TMEM132D: variants seen among roughly 807,000 people sequenced by gnomAD.
TMEM132D encodes transmembrane protein 132D, also known as mature OL transmembrane protein.
A neutral mutation model predicts 62.3 loss-of-function variants in TMEM132D; 21 were observed. The observed-to-expected ratio is 0.34, with a 90% CI of 0.24 to 0.49. The LOEUF is 0.49. Ranked by LOEUF, TMEM132D falls within the 20% of genes least tolerant of loss-of-function variation. TMEM132D has a pLI of 0.99. For synonymous variants in TMEM132D, 621 were observed against 575.6 expected, an observed-to-expected ratio of 1.08 and a Z score of -1.13; for missense variants, 1,346 against 1,402.8, an observed-to-expected ratio of 0.96 and a Z score of 0.65.
intron 3 of TMEM132D, among the ~76,000 whole-genome samples, chr12:129,360,889 A>T (rs1870227202): frequency 6.6e-6 from 1 of 152,036 alleles, no homozygotes; most frequent in African/African-American, 2.4e-5. Flanking sequence ...CTGTGTCGCG[A>T]CACATAACTC....
chr12:129,144,436 C>A (rs1397310825), intron 5 of TMEM132D, among the ~76,000 whole-genome samples: 2 of 152,140 alleles, frequency 1.3e-5, no homozygotes, highest in African/African-American at 4.8e-5. Context: ...CTTTAGGAAT[C>A]TAGGTGCCAT....
chr12:129,416,171 A>G (rs1593370995), intron 3 of TMEM132D, among the ~76,000 whole-genome samples: 1 of 152,140 alleles, frequency 6.6e-6, no homozygotes, highest in East Asian at 1.9e-4. Flanking sequence ...CACAATACTG[A>G]TTCTTCCTAT....
At chr12:129,593,724 T>C (rs916160412) in intron 2 of TMEM132D, among the ~76,000 whole-genome samples, 5 of 152,288 alleles carry the variant, frequency 3.3e-5, no homozygotes, top group Admixed American at 3.3e-4. Context: ...TAAAATAAAT[T>C]GGCATTGTGC....
chr12:129,728,677 T>C (rs1869117381), intron 1 of TMEM132D, among the ~76,000 whole-genome samples: 1 of 152,240 alleles, frequency 6.6e-6, no homozygotes, highest in African/African-American at 2.4e-5. Context: ...CAAATCCTTC[T>C]TTGTCTTACC....
At chr12:129,747,716 A>G (rs1322855374) in intron 1 of TMEM132D, among the ~76,000 whole-genome samples, 1 of 149,322 alleles carries the variant, frequency 6.7e-6, no homozygotes, top group Non-Finnish European at 1.5e-5. Flanking sequence ...ACACACTCAG[A>G]CATACACACA....
intron 2 of TMEM132D, among the ~76,000 whole-genome samples, chr12:129,563,242 C>A (rs1877285128): frequency 6.6e-6 from 1 of 152,210 alleles, no homozygotes; most frequent in Non-Finnish European, 1.5e-5. Flanking sequence ...ATTCCGTCTT[C>A]TCTTGTCCAT....
At chr12:129,747,036 C>A (rs1410802433) in intron 1 of TMEM132D, among the ~76,000 whole-genome samples, 1 of 152,188 alleles carries the variant, frequency 6.6e-6, no homozygotes, top group Admixed American at 6.5e-5. Flanking sequence ...CTTCTCTGCA[C>A]AGCAGCCAGA....
At chr12:129,726,583 T>G (rs1869045907) in intron 1 of TMEM132D, among the ~76,000 whole-genome samples, 1 of 152,122 alleles carries the variant, frequency 6.6e-6, no homozygotes, top group African/African-American at 2.4e-5. Context: ...TTAATCTACA[T>G]GTGATTATAG....
intron 2 of TMEM132D, among the ~76,000 whole-genome samples, chr12:129,596,428 T>C (rs1162322199): frequency 1.3e-5 from 2 of 152,208 alleles, no homozygotes; most frequent in Non-Finnish European, 2.9e-5. Flanking sequence ...AGATGTATTC[T>C]ATGCATTTTT....
chr12:129,672,759 G>T (rs541913095), intron 2 of TMEM132D, among the ~76,000 whole-genome samples: 1 of 152,244 alleles, frequency 6.6e-6, no homozygotes, highest in South Asian at 2.1e-4. Context: ...GTAGGTGGTA[G>T]TTGTTGTTTT....
intron 3 of TMEM132D, among the ~76,000 whole-genome samples, chr12:129,410,211 G>A (rs1052231477): frequency 6.6e-6 from 1 of 152,170 alleles, no homozygotes; most frequent in Non-Finnish European, 1.5e-5. Context: ...TAACTTAAAT[G>A]ACCACAGAGG....
intron 2 of TMEM132D, among the ~76,000 whole-genome samples, chr12:129,534,054 G>A (rs866966904): frequency 4.4e-4 from 67 of 152,308 alleles, no homozygotes; most frequent in African/African-American, 1.4e-3. Flanking sequence ...CATTAAAGTA[G>A]TTCCTAGAAC....
At chr12:129,538,467 T>C (rs1255695322) in intron 2 of TMEM132D, among the ~76,000 whole-genome samples, 3 of 152,182 alleles carry the variant, frequency 2.0e-5, no homozygotes, top group African/African-American at 7.2e-5. Flanking sequence ...GTGATGACAG[T>C]AGTCCCACTC....
At chr12:129,405,182 A>G (rs7302547) in intron 3 of TMEM132D, among the ~76,000 whole-genome samples, 80,131 of 152,072 alleles carry the variant, frequency 0.53, 22,585 homozygotes, top group Non-Finnish European at 0.63. Flanking sequence ...TAGAAGCCTG[A>G]GATCAAGGTT....
At chr12:129,747,537 C>G (rs926150155) in intron 1 of TMEM132D, among the ~76,000 whole-genome samples, 2 of 150,552 alleles carry the variant, frequency 1.3e-5, no homozygotes, top group Non-Finnish European at 3.0e-5. Flanking sequence ...TTCAGACACA[C>G]ACACTCTCAG....
At chr12:129,161,894 A>G (rs113192773) in intron 5 of TMEM132D, among the ~76,000 whole-genome samples, 1,800 of 152,234 alleles carry the variant, frequency 0.012, 41 homozygotes, top group African/African-American at 0.041. Flanking sequence ...TCATATCGAA[A>G]TGTTGAATGA....
chr12:129,419,577 G>T (rs73151061), intron 3 of TMEM132D, among the ~76,000 whole-genome samples: 46 of 152,230 alleles, frequency 3.0e-4, no homozygotes, highest in Non-Finnish European at 5.3e-4. Context: ...TTAAAGTTTT[G>T]CTGGAAACCA....
intron 5 of TMEM132D, among the ~76,000 whole-genome samples, chr12:129,122,675 C>T (rs1440564230): frequency 1.3e-5 from 2 of 152,198 alleles, no homozygotes; most frequent in African/African-American, 4.8e-5. Flanking sequence ...CTCCTCTGTG[C>T]TTCGTAAGAC....
chr12:129,141,058 T>C (rs1876727770), intron 5 of TMEM132D, among the ~76,000 whole-genome samples: 1 of 152,184 alleles, frequency 6.6e-6, no homozygotes, highest in South Asian at 2.1e-4. Flanking sequence ...GCACACACTA[T>C]AGATGATCCT....
Sources: gnomAD v4.1 joint callset for allele counts (sites outside exome capture counted in the v4.1 genomes callset) on GRCh38, gnomAD v4.1.1 for gene constraint, MANE v1.5 for transcripts, NCBI Gene and HGNC (gene_info 2026-07-23, HGNC 2026-07-21) for gene names.